UPF2: variants seen among roughly 807,000 people sequenced by gnomAD.
UPF2 encodes UPF2 regulator of nonsense mediated mRNA decay.
In UPF2, 17 loss-of-function variants were observed where a neutral mutation model predicts 141.4. The ratio of observed to expected loss-of-function variants is 0.12; its 90% CI spans 0.08 to 0.18. UPF2 has a LOEUF of 0.18. UPF2 is among the 10% of genes least tolerant of loss of function. The probability of loss-of-function intolerance (pLI) is 1.00; values close to 1 mark genes in which losing one functional copy is unlikely to be tolerated. For synonymous variants in UPF2, 540 were observed against 498.0 expected, an observed-to-expected ratio of 1.08 and a Z score of -1.12; for missense variants, 1,152 against 1,515.9, an observed-to-expected ratio of 0.76 and a Z score of 3.99.
intron 12 of UPF2, among the ~76,000 whole-genome samples, chr10:11,957,235 C>T (rs1032544418): frequency 6.6e-6 from 1 of 151,912 alleles, no homozygotes; most frequent in East Asian, 2.0e-4. Flanking sequence ...TCGAGACTAG[C>T]CTGGCCAACA....
rs375421742 is a variant in UPF2, at chr10:12,014,215, T to C, written c.1146-31A>G. On this transcript the variant is annotated intron_variant, in intron 3 of 21. Coordinates refer to ENST00000357604, the MANE Select transcript of UPF2 (RefSeq NM_015542.4). The surrounding 1 kb of genome is among the most constrained non-coding windows in gnomAD (Gnocchi z 5.0). The stretch of plus-strand genomic sequence containing the variant: ...AACAAATGAAATCATCTGACAGTCT[T>C]ATCAAAATAGATGTGATCACAAATT... 44 of 1,364,056 alleles carry C rather than the reference T, an allele frequency of 3.2e-5. No homozygotes were observed. The African/African-American group carries it at 6.1e-4, about 19-fold the overall frequency. 84.5% of individuals were successfully genotyped at this position (1,364,056 alleles called of 1,614,324 possible). A position where few individuals can be genotyped will look rare whatever the true frequency, so the allele number is the denominator to read the frequency against.
At chr10:11,955,880 C>T (rs1976522) in intron 13 of UPF2, among the ~76,000 whole-genome samples, 9,095 of 152,202 alleles carry the variant, frequency 0.06, 330 homozygotes, top group Non-Finnish European at 0.085. Flanking sequence ...CAGTAGCTCA[C>T]GCCTGTAATC....
At chr10:12,038,740 A>C (rs185188567) in intron 1 of UPF2, among the ~76,000 whole-genome samples, 121 of 151,612 alleles carry the variant, frequency 8.0e-4, no homozygotes, top group African/African-American at 2.7e-3. Flanking sequence ...AAAATACAAA[A>C]AAAAACAACA....
intron 4 of UPF2, 128 bp downstream of exon 4, chr10:12,013,896 G>A: frequency 1.1e-6 from 1 of 939,472 alleles, no homozygotes; most frequent in Non-Finnish European, 1.4e-6. Flanking sequence ...CACCATGCTT[G>A]GCCCATTTTG....
chr10:11,983,484 T>C (rs1833634123), intron 8 of UPF2, among the ~76,000 whole-genome samples: 1 of 152,202 alleles, frequency 6.6e-6, no homozygotes, highest in African/African-American at 2.4e-5. Flanking sequence ...GCCATTCTCC[T>C]GTCTCAGCCT....
chr10:12,027,725 A>G (rs1330358633), intron 3 of UPF2, among the ~76,000 whole-genome samples: 1 of 152,136 alleles, frequency 6.6e-6, no homozygotes, highest in African/African-American at 2.4e-5. Flanking sequence ...CACAGTCTCT[A>G]CCTTGACCCT....
intron 3 of UPF2, among the ~76,000 whole-genome samples, chr10:12,024,931 CAAAAAAAAAAA>C (rs61678431): frequency 0.014 from 755 of 53,510 alleles, 14 homozygotes; most frequent in Non-Finnish European, 0.019. Context: ...GACCCTGTTA[CAAAAAAAAAAA>C]AAAAAAAAAA....
chr10:11,998,897 C>T lies in UPF2; in HGVS notation c.1758+1009G>A, dbSNP rs903905446. Among the ~76,000 whole-genome samples, 2 of 151,678 alleles carry T rather than the reference C, an allele frequency of 1.3e-5. No individual in the cohort carries two copies. The highest frequency in any genetic ancestry group is 6.6e-5 in the Admixed American group (1 of 15,212). Reference sequence around the variant, plus strand: ...AAGATTAGCTGGGCGTGGTGGTGCACGCCTGTAGTCCCAGCTACTCAGGAG... The same window carrying T: ...AAGATTAGCTGGGCGTGGTGGTGCATGCCTGTAGTCCCAGCTACTCAGGAG... On this transcript the variant is annotated intron_variant, in intron 7 of 21. Coordinates refer to ENST00000357604, the MANE Select transcript of UPF2 (RefSeq NM_015542.4). The surrounding 1 kb of genome is among the most constrained non-coding windows in gnomAD (Gnocchi z 4.5).
rs570623420 is a variant in UPF2 at position 12,014,774 on chromosome 10, T to C, written c.1146-590A>G. ...TCAAAAGAAACAGAATCAGTTATCCTTAAACTTCCATAATGATTTGAATCA... is the reference window on the plus strand; with the variant it reads ...TCAAAAGAAACAGAATCAGTTATCCCTAAACTTCCATAATGATTTGAATCA... On this transcript the variant is annotated intron_variant, in intron 3 of 21. Coordinates refer to ENST00000357604, the MANE Select transcript of UPF2 (RefSeq NM_015542.4). The surrounding 1 kb of genome is among the most constrained non-coding windows in gnomAD (Gnocchi z 5.0). 1.3e-5 allele frequency among the ~76,000 whole-genome samples: 2 copies of C among 152,330 alleles called. No homozygotes were observed. The highest frequency in any genetic ancestry group is 6.5e-5 in the Admixed American group (1 of 15,296).
At chr10:12,012,889 A>G (rs1201488076) in intron 4 of UPF2, among the ~76,000 whole-genome samples, 1 of 152,030 alleles carries the variant, frequency 6.6e-6, no homozygotes, top group Non-Finnish European at 1.5e-5. Flanking sequence ...CTATAATCTC[A>G]GCACTTTGGG....
chr10:12,022,210 G>A (rs533157685), intron 3 of UPF2, among the ~76,000 whole-genome samples: 2 of 151,708 alleles, frequency 1.3e-5, no homozygotes, highest in Admixed American at 6.6e-5. Flanking sequence ...TCAGGAGTTC[G>A]AGACCAGCCT....
chr10:11,997,630 C>A (rs375701393), intron 8 of UPF2, 42 bp downstream of exon 8: 148 of 1,573,996 alleles, frequency 9.4e-5, no homozygotes, highest in Non-Finnish European at 1.3e-4. Context: ...GCCAGCACTA[C>A]AGAGTAAAAA....
intron 1 of UPF2, among the ~76,000 whole-genome samples, chr10:12,039,745 C>T (rs1308283532): frequency 2.6e-5 from 4 of 151,880 alleles, no homozygotes; most frequent in African/African-American, 9.7e-5. Flanking sequence ...CTCAGCCTCC[C>T]GAGTAGCTGG....
Position 11,948,487 on chromosome 10 carries a change from G to A in UPF2, c.3056C>T (p.Ser1019Leu), listed in dbSNP as rs371400227. 4.3e-6 allele frequency: 7 copies of A among 1,611,924 alleles called. No individual in the cohort carries two copies. In the African/African-American group the frequency reaches 6.7e-5, roughly 15 times the overall value. The change falls in exon 16 of 22, where the codon TCA (serine) becomes TTA (leucine). Residue 1019 changes from serine to leucine, a missense_variant. By Grantham distance (145) the Ser-to-Leu change is moderately radical. Coordinates refer to ENST00000357604, the MANE Select transcript of UPF2 (RefSeq NM_015542.4). ...IKLGLVNDKD[S>L]KDSMTEGENL... ...TTCTCCTTCTGTCATAGAATCTTTT[G>A]AGTCTTTGTCATTTACTAGGCCTTG...
intron 15 of UPF2, among the ~76,000 whole-genome samples, chr10:11,948,769 A>G (rs1833036860): frequency 6.6e-6 from 1 of 152,240 alleles, no homozygotes; most frequent in Non-Finnish European, 1.5e-5. Flanking sequence ...CTCTTTTCTT[A>G]CAGCTTTAAA....
chr10:11,988,322 G>A (rs987901024), intron 8 of UPF2, among the ~76,000 whole-genome samples: 1 of 152,162 alleles, frequency 6.6e-6, no homozygotes, highest in South Asian at 2.1e-4. Context: ...TGTAATTTTT[G>A]TAATTTTCTT....
intron 21 of UPF2, among the ~76,000 whole-genome samples, chr10:11,924,217 G>A (rs1832682732): frequency 6.6e-6 from 1 of 152,170 alleles, no homozygotes; most frequent in African/African-American, 2.4e-5. Context: ...CTTATTTCAA[G>A]GATCTCCTGG....
intron 9 of UPF2, among the ~76,000 whole-genome samples, chr10:11,978,276 T>C (rs925085379): frequency 2.0e-5 from 3 of 152,262 alleles, no homozygotes; most frequent in Non-Finnish European, 4.4e-5. Flanking sequence ...GAGCAACTTA[T>C]GATAAAGCGA....
At chr10:11,982,255 A>G (rs1246197284) in intron 8 of UPF2, among the ~76,000 whole-genome samples, 1 of 152,196 alleles carries the variant, frequency 6.6e-6, no homozygotes, top group Non-Finnish European at 1.5e-5. Context: ...TGCCATTGCC[A>G]CAATTTCAGG....
Sources: gnomAD v4.1 joint callset for allele counts (sites outside exome capture counted in the v4.1 genomes callset) on GRCh38, gnomAD v4.1.1 for gene constraint, Gnocchi (gnomAD v3.1) non-coding constraint, MANE v1.5 for transcripts, NCBI Gene and HGNC (gene_info 2026-07-23, HGNC 2026-07-21) for gene names.